Variants in CALCR observed in about 807,000 individuals in gnomAD.
CALCR encodes calcitonin receptor.
CALCR carries 47 observed loss-of-function variants against 59.5 expected under a neutral mutation model. The observed-to-expected ratio is 0.79, with a 90% CI of 0.63 to 1.01. The LOEUF (loss-of-function observed/expected upper bound fraction) is 1.01, where lower values mean the gene tolerates loss of function less well. Among genes scored for constraint, CALCR ranks in the 50% least tolerant of loss-of-function variants. CALCR has a pLI of 0.00. For missense variants in CALCR, 566 were observed against 597.1 expected (o/e 0.95, Z 0.54); for synonymous variants, 213 against 211.3 (o/e 1.01, Z -0.07).
chr7:93,452,116 T>C (rs1405927162), intron 8 of CALCR, among the ~76,000 whole-genome samples: 1 of 151,892 alleles, frequency 6.6e-6, no homozygotes. Context: ...AAACCTCAAC[T>C]CCACGCAAGA....
intron 2 of CALCR, among the ~76,000 whole-genome samples, chr7:93,490,560 G>A (rs150293588): frequency 1.3e-5 from 2 of 151,482 alleles, no homozygotes; most frequent in East Asian, 1.9e-4. Context: ...CAGCAAAGTC[G>A]CAGGATAAAA....
rs188638490 is a variant in CALCR at position 93,438,559 on chromosome 7, T to C, written c.803-289A>G. Among the ~76,000 whole-genome samples the C allele has an allele frequency of 2.9e-3, 446 of 152,324 alleles. 3 individuals carry two copies. Among genetic ancestry groups the C allele is most frequent in the African/African-American group, 9.4e-3 (392 of 41,566 alleles). ...TACACTATGACTATTATTACCATTG[T>C]TATGTTTATAATGATGACTATTAAC... On this transcript the variant is annotated intron_variant, in intron 9 of 13. Coordinates refer to ENST00000426151, the MANE Select transcript of CALCR (RefSeq NM_001742.4).
At chr7:93,430,497 G>A (rs981579873) in intron 13 of CALCR, among the ~76,000 whole-genome samples, 3 of 152,122 alleles carry the variant, frequency 2.0e-5, no homozygotes, top group African/African-American at 7.2e-5. Flanking sequence ...GTTTGGGGAA[G>A]ATTCCTTGCT....
At position 93,424,998 on chromosome 7, in the gene CALCR, A is replaced by C. The variant is rs1799493399; in HGVS notation, c.*1358T>G. ...CAAAATATGACATAGATGAGACTGGAGATTTGGAGGGTTTCAATGTACCTC... is the reference window on the plus strand; with the variant it reads ...CAAAATATGACATAGATGAGACTGGCGATTTGGAGGGTTTCAATGTACCTC... On this transcript the variant is annotated 3_prime_UTR_variant, in exon 14 of 14. Coordinates refer to ENST00000426151, the MANE Select transcript of CALCR (RefSeq NM_001742.4). 6.6e-6 allele frequency: 1 copy of C among 152,600 alleles called. No homozygotes were observed. The highest frequency in any genetic ancestry group is 2.4e-5 in the African/African-American group (1 of 41,440). The allele number at this position is 152,600 out of a possible 1,614,324, so 9.5% of individuals were successfully genotyped here.
intron 2 of CALCR, among the ~76,000 whole-genome samples, chr7:93,526,287 T>C (rs1235232563): frequency 2.6e-5 from 4 of 152,124 alleles, no homozygotes; most frequent in Non-Finnish European, 5.9e-5. Context: ...ATGGATGAGA[T>C]ACCATTTCCT....
intron 2 of CALCR, among the ~76,000 whole-genome samples, chr7:93,524,174 C>CTT (rs376632123): frequency 2.9e-5 from 4 of 139,984 alleles, no homozygotes; most frequent in Admixed American, 7.2e-5. Flanking sequence ...ATTTTTTTTT[C>CTT]TTTTTTTTTT....
chr7:93,457,817 G>A (rs902365315), intron 8 of CALCR, among the ~76,000 whole-genome samples: 3 of 152,110 alleles, frequency 2.0e-5, no homozygotes, highest in Non-Finnish European at 2.9e-5. Flanking sequence ...GAATGGCTGA[G>A]CCCATTTCTT....
rs375569686 is a variant in CALCR at position 93,554,827 on chromosome 7, T to C, written c.-27+19462A>G. Reference sequence around the variant, plus strand: ...ATGTCATTTTAGAAAGTACACAATATCACTATTTGAGCACTTATTCTGCAC... The same window carrying C: ...ATGTCATTTTAGAAAGTACACAATACCACTATTTGAGCACTTATTCTGCAC... On this transcript the variant is annotated intron_variant, in intron 2 of 13. Coordinates refer to ENST00000426151, the MANE Select transcript of CALCR (RefSeq NM_001742.4). 3.2e-4 allele frequency among the ~76,000 whole-genome samples: 47 copies of C among 145,970 alleles called. 2 individuals are homozygous for C. The South Asian group carries it at 0.01, about 32-fold the overall frequency.
intron 3 of CALCR, chr7:93,484,151 G>T: frequency 3.5e-6 from 1 of 285,708 alleles, no homozygotes; most frequent in Non-Finnish European, 7.8e-6. Context: ...CAAGCCACCT[G>T]CTCTCATAGA....
chr7:93,495,865 C>T lies in CALCR; in HGVS notation c.-26-8858G>A, dbSNP rs139130986. The T allele has an allele frequency of 2.3e-3, 3,497 of 1,515,766 alleles. 7 individuals are homozygous for T. The highest frequency in any genetic ancestry group is 8.1e-3 in the Middle Eastern group (48 of 5,914). The allele number at this position is 1,515,766 out of a possible 1,614,324, so 93.9% of individuals were successfully genotyped here. A position where few individuals can be genotyped will look rare whatever the true frequency, so the allele number is the denominator to read the frequency against. ...GAGGTTCAGTTACTGGTGGGACAACCGAATCTATACTGGTTTGTATCCACA... is the reference window on the plus strand; with the variant it reads ...GAGGTTCAGTTACTGGTGGGACAACTGAATCTATACTGGTTTGTATCCACA... On this transcript the variant is annotated intron_variant, in intron 2 of 13. Transcript: ENST00000426151.
intron 2 of CALCR, among the ~76,000 whole-genome samples, chr7:93,512,544 TA>T (rs1258985139): frequency 6.6e-6 from 1 of 152,188 alleles, no homozygotes; most frequent in Non-Finnish European, 1.5e-5. Context: ...GAGACTTTTG[TA>T]AAGTTTACGT....
At chr7:93,482,975 C>T in intron 3 of CALCR, 1 of 458,542 alleles carries the variant, frequency 2.2e-6, no homozygotes, top group Non-Finnish European at 4.3e-6. Flanking sequence ...CAGTGGCCTT[C>T]TTCCTAAAAT....
chr7:93,499,028 T>A (rs1422067637), intron 2 of CALCR, among the ~76,000 whole-genome samples: 1 of 151,686 alleles, frequency 6.6e-6, no homozygotes, highest in Non-Finnish European at 1.5e-5. Flanking sequence ...AGCATGTTAC[T>A]ATATCTTTCT....
At chr7:93,564,339 A>G (rs752251835) in intron 2 of CALCR, among the ~76,000 whole-genome samples, 65 of 152,282 alleles carry the variant, frequency 4.3e-4, no homozygotes, top group Admixed American at 1.0e-3. Context: ...GCTACCTTAG[A>G]GGCAGTGGAT....
chr7:93,449,333 C>T (rs1317679175), intron 8 of CALCR, among the ~76,000 whole-genome samples: 2 of 151,974 alleles, frequency 1.3e-5, no homozygotes, highest in African/African-American at 2.4e-5. Flanking sequence ...AAGGAAAAGA[C>T]ATTTTAAGAG....
chr7:93,510,691 G>A (rs1164463605), intron 2 of CALCR, among the ~76,000 whole-genome samples: 1 of 151,862 alleles, frequency 6.6e-6, no homozygotes, highest in African/African-American at 2.4e-5. Flanking sequence ...AACATAAAGA[G>A]ACACTGTCTC....
chr7:93,439,447 A>G (rs931231470), intron 9 of CALCR, among the ~76,000 whole-genome samples: 25 of 152,316 alleles, frequency 1.6e-4, no homozygotes, highest in East Asian at 3.9e-4. Context: ...AAAGAGAAGT[A>G]TATGGAAAAC....
At chr7:93,505,967 C>T (rs1402121572) in intron 2 of CALCR, among the ~76,000 whole-genome samples, 2 of 152,142 alleles carry the variant, frequency 1.3e-5, no homozygotes, top group African/African-American at 4.8e-5. Flanking sequence ...CCTGGTCCAA[C>T]CAATCTTTGG....
chr7:93,447,466 C>T (rs1800027895), intron 8 of CALCR, among the ~76,000 whole-genome samples: 1 of 151,914 alleles, frequency 6.6e-6, no homozygotes, highest in South Asian at 2.1e-4. Flanking sequence ...AGAAACAAGA[C>T]CAACCTTATA....
Sources: gnomAD v4.1 joint callset for allele counts (sites outside exome capture counted in the v4.1 genomes callset) on GRCh38, gnomAD v4.1.1 for gene constraint, MANE v1.5 for transcripts, NCBI Gene and HGNC (gene_info 2026-07-23, HGNC 2026-07-21) for gene names.